GLI3: variants seen among roughly 807,000 people sequenced by gnomAD.
GLI3 encodes the protein GLI family zinc finger 3, also known as transcription activator GLI3.
GLI3 carries 20 observed loss-of-function variants against 100.8 expected under a neutral mutation model. That is an observed-to-expected ratio of 0.20 (90% CI 0.14 to 0.29). The LOEUF (loss-of-function observed/expected upper bound fraction) is 0.29, where lower values mean the gene tolerates loss of function less well. Among genes scored for constraint, GLI3 ranks in the 10% least tolerant of loss-of-function variants. GLI3 has a pLI of 1.00. For synonymous variants in GLI3, 938 were observed against 860.5 expected (o/e 1.09, Z -1.58); for missense variants, 2,040 against 2,128.5 (o/e 0.96, Z 0.82).
chr7:42,247,740 C>A (rs1280937124), intron 1 of GLI3, among the ~76,000 whole-genome samples: 1 of 152,232 alleles, frequency 6.6e-6, no homozygotes, highest in African/African-American at 2.4e-5. Context: ...CCCATTCCTG[C>A]TGCTCAGCTC....
intron 1 of GLI3, among the ~76,000 whole-genome samples, chr7:42,259,159 C>T (rs945317843): frequency 1.3e-5 from 2 of 152,270 alleles, no homozygotes. Flanking sequence ...TTGTTTTTAG[C>T]ATGCTTTCAA....
Position 42,025,390 on chromosome 7 carries a change from T to C in GLI3, c.1243-13A>G, listed in dbSNP as rs1789082591. 3 of 1,577,008 alleles carry C rather than the reference T, an allele frequency of 1.9e-6. No homozygotes were observed. The highest frequency in any genetic ancestry group is 1.3e-5 in the African/African-American group (1 of 74,236). ...TCGTGGGCTTGTTCTGCTGGTCACA[T>C]TTGCAGAGCCAGAGACAAAAAGATT... On this transcript the variant is annotated splice_polypyrimidine_tract_variant and intron_variant, in intron 8 of 14. Coordinates refer to ENST00000395925, the MANE Select transcript of GLI3 (RefSeq NM_000168.6).
At chr7:42,202,793 G>A (rs1788073677) in intron 2 of GLI3, among the ~76,000 whole-genome samples, 1 of 152,148 alleles carries the variant, frequency 6.6e-6, no homozygotes, top group Non-Finnish European at 1.5e-5. Context: ...ATGGACGGGG[G>A]TCCCACTGAC....
At chr7:42,018,110 G>A (rs904904146) in intron 10 of GLI3, among the ~76,000 whole-genome samples, 8 of 152,104 alleles carry the variant, frequency 5.3e-5, no homozygotes, top group East Asian at 1.9e-4. Flanking sequence ...ACACACCCTC[G>A]CAATCAATCT....
In GLI3 at chr7:42,260,120, T is replaced by A. The variant is rs534316020; in HGVS notation, c.-43+3874A>T. On this transcript the variant is annotated intron_variant, in intron 1 of 2. Coordinates refer to the GLI3 transcript ENST00000678978. ...TACTTGGAAGGGAGTAAAGAAATTA[T>A]AGAATTCAATTTTGTAGCAAATCAC... Among the ~76,000 whole-genome samples the A allele has an allele frequency of 2.0e-5, 3 of 152,354 alleles. No homozygotes were observed. In the East Asian group the frequency reaches 5.8e-4, roughly 29 times the overall value.
In GLI3 at chr7:42,214,371, C is replaced by T. The variant is rs373888254; in HGVS notation, c.124+8759G>A. Among the ~76,000 whole-genome samples, 17 of 151,392 alleles carry T rather than the reference C, an allele frequency of 1.1e-4. 1 individual carries two copies. Among genetic ancestry groups the T allele is most frequent in the Admixed American group, 9.2e-4 (14 of 15,172 alleles). ...GAGCAGGGAAAGAGATGAAAGAATG[C>T]GGGATGAAGCTACCATTTACGGAAC... On this transcript the variant is annotated intron_variant, in intron 2 of 14. Coordinates refer to ENST00000395925, the MANE Select transcript of GLI3 (RefSeq NM_000168.6).
chr7:42,029,972 T>C (rs1222836243), intron 7 of GLI3, among the ~76,000 whole-genome samples: 1 of 152,188 alleles, frequency 6.6e-6, no homozygotes, highest in Non-Finnish European at 1.5e-5. Context: ...GAATCCATTC[T>C]TCAGTGTCTA....
At chr7:42,087,863 C>G (rs1785135198) in intron 3 of GLI3, among the ~76,000 whole-genome samples, 1 of 152,172 alleles carries the variant, frequency 6.6e-6, no homozygotes, top group South Asian at 2.1e-4. Context: ...CCCTTAAACT[C>G]TGAACCCTCA....
chr7:42,092,160 T>C (rs746201802), intron 3 of GLI3, among the ~76,000 whole-genome samples: 18 of 152,204 alleles, frequency 1.2e-4, no homozygotes, highest in Admixed American at 8.5e-4. Context: ...TGGAGGATTA[T>C]CCACACCACC....
intron 10 of GLI3, among the ~76,000 whole-genome samples, chr7:42,022,432 C>A (rs1788969947): frequency 2.0e-5 from 3 of 151,430 alleles, no homozygotes; most frequent in African/African-American, 7.3e-5. Context: ...CATGAATTGC[C>A]TAAAAATACA....
upstream of GLI3, among the ~76,000 whole-genome samples, chr7:42,238,893 C>G (rs776311773): frequency 1.3e-5 from 2 of 152,206 alleles, no homozygotes; most frequent in South Asian, 2.1e-4. Context: ...GCGTTGCCGC[C>G]AAGTGTCTTG....
chr7:42,257,126 C>T (rs1789092842), intron 1 of GLI3, among the ~76,000 whole-genome samples: 1 of 152,040 alleles, frequency 6.6e-6, no homozygotes, highest in South Asian at 2.1e-4. Context: ...GATCTTGTAT[C>T]TTGAACCTTG....
At chr7:42,000,337 T>G (rs1788251090) in intron 10 of GLI3, among the ~76,000 whole-genome samples, 1 of 152,176 alleles carries the variant, frequency 6.6e-6, no homozygotes, top group Non-Finnish European at 1.5e-5. Context: ...GCATTCTAAT[T>G]CAAAGCTCTA....
In GLI3 at chr7:41,964,264, CAA is replaced by C; in HGVS notation, c.*64_*65del. The stretch of plus-strand genomic sequence containing the variant: ...TACAGAACTAAAAAAACAGCCAAAA[CAA>C]AGTCAGTTTAATCTCTTCAACTCCT... On this transcript the variant is annotated 3_prime_UTR_variant, in exon 15 of 15. Transcript: ENST00000395925. The C allele has an allele frequency of 2.1e-6, 3 of 1,439,534 alleles. No individual in the cohort carries two copies. Among genetic ancestry groups the C allele is most frequent in the Non-Finnish European group, 2.9e-6 (3 of 1,025,296 alleles). 89.2% of individuals were successfully genotyped at this position (1,439,534 alleles called of 1,614,324 possible). A position where few individuals can be genotyped will look rare whatever the true frequency, so the allele number is the denominator to read the frequency against.
intron 2 of GLI3, among the ~76,000 whole-genome samples, chr7:42,148,732 G>A (rs935802256): frequency 2.0e-5 from 3 of 152,128 alleles, no homozygotes; most frequent in Non-Finnish European, 2.9e-5. Flanking sequence ...TGTAGGGGTT[G>A]GCAAATTGGC....
Position 42,234,482 on chromosome 7 carries a change from T to G in GLI3, c.-43+2489A>C, listed in dbSNP as rs1788752041. ...ATAAATTAACAATTCTTTCATTAAATAATTAATGAAATAACTCTACAGAGC... is the reference window on the plus strand; with the variant it reads ...ATAAATTAACAATTCTTTCATTAAAGAATTAATGAAATAACTCTACAGAGC... On this transcript the variant is annotated intron_variant, in intron 1 of 14. Coordinates refer to ENST00000395925, the MANE Select transcript of GLI3 (RefSeq NM_000168.6). Among the ~76,000 whole-genome samples, 4 of 152,326 alleles carry G rather than the reference T, an allele frequency of 2.6e-5. No individual in the cohort carries two copies. The South Asian group carries it at 8.3e-4, about 32-fold the overall frequency.
chr7:42,006,173 C>T lies in GLI3; in HGVS notation c.1497+17295G>A, dbSNP rs904604695. ...ATAAGGGATACCCGAGCTCGAAGGG[C>T]AACATTGCCCAGAACAAGGCTGTCT... On this transcript the variant is annotated intron_variant, in intron 10 of 14. Transcript: ENST00000395925. Among the ~76,000 whole-genome samples, 5 of 152,306 alleles carry T rather than the reference C, an allele frequency of 3.3e-5. No homozygotes were observed. In the East Asian group the frequency reaches 9.7e-4, roughly 29 times the overall value.
At chr7:42,238,393 C>T (rs1788877813), upstream of GLI3, among the ~76,000 whole-genome samples, 1 of 152,160 alleles carries the variant, frequency 6.6e-6, no homozygotes, top group Admixed American at 6.5e-5. Flanking sequence ...TTTACATTTT[C>T]CCAAAGCCAT....
At chr7:42,120,927 T>C (rs1363172782) in intron 3 of GLI3, among the ~76,000 whole-genome samples, 1 of 152,226 alleles carries the variant, frequency 6.6e-6, no homozygotes, top group African/African-American at 2.4e-5. Context: ...AGGCACATGT[T>C]CATGGGATAT....
Sources: allele counts gnomAD v4.1 joint callset (sites outside exome capture counted in the v4.1 genomes callset), GRCh38; gene constraint gnomAD v4.1.1; transcripts MANE v1.5; gene names NCBI Gene and HGNC (gene_info 2026-07-23, HGNC 2026-07-21).